The following ANGPT2 variants were observed in gnomAD, a reference collection of about 807,000 sequenced individuals.
ANGPT2 encodes the protein angiopoietin 2.
Under a neutral mutation model 62.9 loss-of-function variants are expected in ANGPT2, and 28 were observed. That is an observed-to-expected ratio of 0.44 (90% CI 0.33 to 0.61). The LOEUF (loss-of-function observed/expected upper bound fraction) is 0.61. Ranked by LOEUF, ANGPT2 falls within the 20% of genes least tolerant of loss-of-function variation. The pLI is 0.03. For missense variants in ANGPT2, 727 were observed against 594.9 expected (o/e 1.22, Z -2.31); for synonymous variants, 284 against 207.8 (o/e 1.37, Z -3.15).
At chr8:6,514,814 C>A (rs1179212171) in intron 5 of ANGPT2, 36 bp from the exon 6 acceptor site, 40 of 1,550,800 alleles carry the variant, frequency 2.6e-5, no homozygotes, top group Non-Finnish European at 3.3e-5. Context: ...GTGACAGAGC[C>A]CCCCCACTCC....
At chr8:6,559,732 G>C (rs1003185056) in intron 1 of ANGPT2, among the ~76,000 whole-genome samples, 4 of 152,152 alleles carry the variant, frequency 2.6e-5, no homozygotes. Flanking sequence ...TAAATTATTT[G>C]TGAGTTTTTA....
chr8:6,539,986 C>G (rs1429967285), intron 1 of ANGPT2, among the ~76,000 whole-genome samples: 2 of 152,164 alleles, frequency 1.3e-5, no homozygotes, highest in African/African-American at 2.4e-5. Flanking sequence ...CTTTTGGCCA[C>G]TATATAACTC....
chr8:6,526,625 G>A (rs1464201849), intron 3 of ANGPT2, among the ~76,000 whole-genome samples: 2 of 152,144 alleles, frequency 1.3e-5, no homozygotes, highest in East Asian at 1.9e-4. Flanking sequence ...CCAAAGGACA[G>A]AAAGAATTAT....
intron 8 of ANGPT2, among the ~76,000 whole-genome samples, chr8:6,506,999 G>T (rs1423689269): frequency 6.6e-6 from 1 of 152,028 alleles, no homozygotes; most frequent in African/African-American, 2.4e-5. Context: ...CCCGGTTCAA[G>T]AGATTTTCCT....
chr8:6,535,997 C>A (rs887023381), intron 1 of ANGPT2, among the ~76,000 whole-genome samples: 1 of 151,970 alleles, frequency 6.6e-6, no homozygotes, highest in Non-Finnish European at 1.5e-5. Flanking sequence ...AGCAAGGCTG[C>A]AGTGAGCCAT....
intron 2 of ANGPT2, among the ~76,000 whole-genome samples, chr8:6,530,444 G>T (rs1239578229): frequency 1.3e-5 from 2 of 150,246 alleles, no homozygotes; most frequent in East Asian, 3.9e-4. Context: ...GGGAGGTGGA[G>T]GTTGCAGCAA....
In ANGPT2 at chr8:6,500,040, A is replaced by G. The variant is rs958392246; in HGVS notation, c.*3061T>C. 2.3e-6 allele frequency: 2 copies of G among 879,768 alleles called. No homozygotes were observed. Among genetic ancestry groups the G allele is most frequent in the Non-Finnish European group, 3.8e-6 (2 of 526,016 alleles). The allele number at this position is 879,768 out of a possible 1,614,324, so 54.5% of individuals were successfully genotyped here. A position where few individuals can be genotyped will look rare whatever the true frequency, so the allele number is the denominator to read the frequency against. ...TATCCAGTCAAGCACAATTATGCCC[A>G]TAATTAAAAAGACATTCACAGAACT... On this transcript the variant is annotated 3_prime_UTR_variant, in exon 9 of 9. Transcript: ENST00000629816.
rs749767790 is a variant in ANGPT2, at chr8:6,519,918, G to A, written c.873C>T (p.His291=). The A allele has an allele frequency of 2.5e-6, 4 of 1,613,592 alleles. No individual in the cohort carries two copies. In the East Asian group the frequency reaches 6.7e-5, roughly 27 times the overall value. Residue 291 remains histidine, a synonymous_variant, in exon 5 of 9, where the codon CAC becomes CAT. Transcript: ENST00000629816. ...RDCAEVFKSG[H]TTNGIYTLTF... Reference sequence around the variant, plus strand: ...TTAACGTGTAGATGCCATTCGTGGTGTGTCCTGATTTGAATACTTCAGCAC... The same window carrying A: ...TTAACGTGTAGATGCCATTCGTGGTATGTCCTGATTTGAATACTTCAGCAC...
chr8:6,508,636 A>G (rs1814282615), intron 8 of ANGPT2: 1 of 573,454 alleles, frequency 1.7e-6, no homozygotes, highest in Non-Finnish European at 3.1e-6. Context: ...TCTAGTATCC[A>G]GCAAGCACAA....
intron 1 of ANGPT2, among the ~76,000 whole-genome samples, chr8:6,543,672 T>C (rs182229664): frequency 1.6e-3 from 244 of 152,344 alleles, no homozygotes; most frequent in Middle Eastern, 6.8e-3. Context: ...TCATAACCGC[T>C]GAAGTTCGTG....
At position 6,533,712 on chromosome 8, in the gene ANGPT2, A is replaced by G. The variant is rs112172920; in HGVS notation, c.289-1225T>C. On this transcript the variant is annotated intron_variant, in intron 1 of 8. Transcript: ENST00000629816. The stretch of plus-strand genomic sequence containing the variant: ...GTAACAAACATTGTTTATTACATTG[A>G]ATAATTGAAAGATGATTATAAAACT... 1.0e-3 allele frequency among the ~76,000 whole-genome samples: 152 copies of G among 151,942 alleles called. 1 individual carries two copies. Among genetic ancestry groups the G allele is most frequent in the African/African-American group, 3.4e-3 (139 of 41,480 alleles).
rs188438342 is a variant in ANGPT2, at chr8:6,519,252, T to G, written c.927+612A>C. 3.9e-5 allele frequency among the ~76,000 whole-genome samples: 6 copies of G among 152,234 alleles called. No individual in the cohort carries two copies. The East Asian group carries it at 9.7e-4, about 25-fold the overall frequency. On this transcript the variant is annotated intron_variant, in intron 5 of 8. Transcript: ENST00000629816. ...AGACCATGTCACCAAGTCCACAGGTTGAAACTGTTTTCACGATGCTAAGAC... is the reference window on the plus strand; with the variant it reads ...AGACCATGTCACCAAGTCCACAGGTGGAAACTGTTTTCACGATGCTAAGAC...
chr8:6,561,789 A>T (rs894107126), intron 1 of ANGPT2, among the ~76,000 whole-genome samples: 7 of 152,210 alleles, frequency 4.6e-5, no homozygotes, highest in Non-Finnish European at 8.8e-5. Flanking sequence ...GTGAAAAAAA[A>T]TTATTTATGA....
chr8:6,532,845 C>A (rs890894987), intron 1 of ANGPT2, among the ~76,000 whole-genome samples: 10 of 152,184 alleles, frequency 6.6e-5, no homozygotes, highest in Admixed American at 3.9e-4. Flanking sequence ...CTGTCCTACC[C>A]AGCTGCAACT....
chr8:6,553,403 A>G (rs1824016855), intron 1 of ANGPT2, among the ~76,000 whole-genome samples: 1 of 152,216 alleles, frequency 6.6e-6, no homozygotes, highest in African/African-American at 2.4e-5. Context: ...TGATGGTTAC[A>G]TAGTTAAAAG....
chr8:6,518,854 A>G (rs1033544865), intron 5 of ANGPT2, among the ~76,000 whole-genome samples: 6 of 152,192 alleles, frequency 3.9e-5, no homozygotes, highest in Admixed American at 6.5e-5. Context: ...CTCCTGTAAT[A>G]TCATTCTTCC....
intron 1 of ANGPT2, among the ~76,000 whole-genome samples, chr8:6,536,780 T>G (rs1820581208): frequency 6.6e-6 from 1 of 152,150 alleles, no homozygotes; most frequent in East Asian, 1.9e-4. Flanking sequence ...CTCATCCACT[T>G]GGATAGACAG....
At chr8:6,512,144 T>C (rs2129567131) in intron 7 of ANGPT2, among the ~76,000 whole-genome samples, 1 of 152,338 alleles carries the variant, frequency 6.6e-6, no homozygotes, top group South Asian at 2.1e-4. Context: ...TATGCTTCAC[T>C]GATGTTTAAA....
chr8:6,531,593 C>G (rs1201692793), intron 2 of ANGPT2, among the ~76,000 whole-genome samples: 1 of 152,156 alleles, frequency 6.6e-6, no homozygotes, highest in Admixed American at 6.5e-5. Context: ...CGCCTGGCCA[C>G]TAGTTGACTA....
Sources: gnomAD v4.1 joint callset for allele counts (sites outside exome capture counted in the v4.1 genomes callset) on GRCh38, gnomAD v4.1.1 for gene constraint, MANE v1.5 for transcripts, NCBI Gene and HGNC (gene_info 2026-07-23, HGNC 2026-07-21) for gene names.